The following CNTN6 variants were observed in gnomAD, a reference collection of about 807,000 sequenced individuals.
CNTN6 encodes contactin-6.
CNTN6 carries 137 observed loss-of-function variants against 122.8 expected under a neutral mutation model. That is an observed-to-expected ratio of 1.12 (90% CI 0.97 to 1.29). The LOEUF (loss-of-function observed/expected upper bound fraction) is 1.29. Ranked by LOEUF, CNTN6 falls within the 50% of genes most tolerant of loss-of-function variation. The pLI is 0.00. For synonymous variants in CNTN6, 570 were observed against 426.0 expected, an observed-to-expected ratio of 1.34 and a Z score of -4.16; for missense variants, 1,634 against 1,223.4, an observed-to-expected ratio of 1.34 and a Z score of -5.01.
chr3:1,243,204 G>A (rs528358849), intron 4 of CNTN6, among the ~76,000 whole-genome samples: 10 of 152,078 alleles, frequency 6.6e-5, no homozygotes, highest in East Asian at 1.9e-4. Flanking sequence ...CAGATGGGAC[G>A]CGGCTTACGA....
intron 2 of CNTN6, among the ~76,000 whole-genome samples, chr3:1,193,369 C>T (rs917261066): frequency 3.9e-5 from 6 of 152,112 alleles, no homozygotes; most frequent in Admixed American, 1.3e-4. Flanking sequence ...AGGCTCAGTT[C>T]CACCATTTGT....
chr3:1,103,045 G>A (rs925953935), intron 1 of CNTN6, among the ~76,000 whole-genome samples: 6 of 151,870 alleles, frequency 4.0e-5, no homozygotes, highest in Non-Finnish European at 7.4e-5. Context: ...GGCGGAGCTT[G>A]CAGTGAGCCA....
rs759512085 is a variant in CNTN6, at chr3:1,227,889, C to T, written c.254C>T (p.Ala85Val). The change falls in exon 4 of 23, where the codon GCA (alanine) becomes GTA (valine). Residue 85 changes from alanine to valine, a missense_variant. By Grantham distance (64) the Ala-to-Val change is moderately conservative. Coordinates refer to ENST00000446702, the MANE Select transcript of CNTN6 (RefSeq NM_001289080.2). ...YHYRLDGGSL[A>V]INSPHTDQDI... ...TACAGGTTGGATGGAGGCAGTCTTG[C>T]AATCAATAGCCCCCACACAGATCAA... The T allele has an allele frequency of 6.2e-7, 1 of 1,613,850 alleles. No individual in the cohort carries two copies. The highest frequency in any genetic ancestry group is 1.7e-5 in the Admixed American group (1 of 59,978).
chr3:1,246,809 A>G (rs918312705), intron 4 of CNTN6, among the ~76,000 whole-genome samples: 1 of 152,052 alleles, frequency 6.6e-6, no homozygotes, highest in Non-Finnish European at 1.5e-5. Flanking sequence ...ATTATTGGCT[A>G]TTTGGAAACC....
chr3:1,240,539 A>G (rs2094469486), intron 4 of CNTN6, among the ~76,000 whole-genome samples: 2 of 152,246 alleles, frequency 1.3e-5, no homozygotes, highest in African/African-American at 4.8e-5. Flanking sequence ...ATTGGCATGG[A>G]TGTGGTGAAA....
chr3:1,176,096 A>G (rs1392085211), intron 2 of CNTN6, among the ~76,000 whole-genome samples: 1 of 152,198 alleles, frequency 6.6e-6, no homozygotes, highest in Non-Finnish European at 1.5e-5. Flanking sequence ...TTTGTGGAAT[A>G]AAAAGAAGGA....
intron 1 of CNTN6, among the ~76,000 whole-genome samples, chr3:1,138,789 A>G (rs1228815323): frequency 6.7e-6 from 1 of 149,266 alleles, no homozygotes; most frequent in African/African-American, 2.6e-5. Context: ...AAAAACACTG[A>G]AAAAATCTGC....
At chr3:1,288,691 C>A (rs1249113813) in intron 5 of CNTN6, among the ~76,000 whole-genome samples, 2 of 152,178 alleles carry the variant, frequency 1.3e-5, no homozygotes, top group African/African-American at 4.8e-5. Flanking sequence ...TATCATGATG[C>A]TTCTCTTTCA....
intron 1 of CNTN6, among the ~76,000 whole-genome samples, chr3:1,108,403 T>C (rs1009913608): frequency 1.3e-5 from 2 of 152,062 alleles, no homozygotes; most frequent in Non-Finnish European, 2.9e-5. Flanking sequence ...TATGGTATTT[T>C]TAATAATTTT....
At chr3:1,304,847 A>T (rs1360137020) in intron 7 of CNTN6, among the ~76,000 whole-genome samples, 1 of 151,838 alleles carries the variant, frequency 6.6e-6, no homozygotes, top group East Asian at 1.9e-4. Context: ...ACAAAAAATT[A>T]GCCGGGTGCA....
At chr3:1,206,456 A>T (rs778032780) in intron 2 of CNTN6, among the ~76,000 whole-genome samples, 4 of 152,026 alleles carry the variant, frequency 2.6e-5, no homozygotes, top group Non-Finnish European at 4.4e-5. Context: ...CCTCCCTGTC[A>T]CCACCAGGGT....
intron 3 of CNTN6, among the ~76,000 whole-genome samples, chr3:1,225,476 A>G (rs1452942813): frequency 1.3e-5 from 2 of 152,200 alleles, no homozygotes; most frequent in South Asian, 2.1e-4. Flanking sequence ...TACTGAGCTT[A>G]ATTAGGAGCA....
rs185415907 is a variant in CNTN6 at position 1,183,807 on chromosome 3, A to G, written c.55+35744A>G. 7.9e-5 allele frequency among the ~76,000 whole-genome samples: 12 copies of G among 152,266 alleles called. 1 individual carries two copies. Among genetic ancestry groups the G allele is most frequent in the African/African-American group, 2.9e-4 (12 of 41,558 alleles). On this transcript the variant is annotated intron_variant, in intron 2 of 22. Transcript: ENST00000446702. ...TGAGTCAGTAGTCTGGGCACAGCTC[A>G]TCTGAGTTTTTGCTTCAAGTTCTCA...
At chr3:1,211,744 A>T (rs1183706775) in intron 2 of CNTN6, among the ~76,000 whole-genome samples, 1 of 152,076 alleles carries the variant, frequency 6.6e-6, no homozygotes, top group African/African-American at 2.4e-5. Flanking sequence ...TGGATATTAT[A>T]AAAGTTATGA....
chr3:1,275,527 C>T (rs1692180931), intron 4 of CNTN6, among the ~76,000 whole-genome samples: 1 of 152,156 alleles, frequency 6.6e-6, no homozygotes, highest in African/African-American at 2.4e-5. Context: ...AGACAACTGT[C>T]CACCAATTTG....
intron 12 of CNTN6, among the ~76,000 whole-genome samples, chr3:1,357,809 A>G (rs1706817414): frequency 6.6e-6 from 1 of 151,890 alleles, no homozygotes; most frequent in Admixed American, 6.6e-5. Context: ...TGAGTGCAAT[A>G]TTTATGTGCA....
chr3:1,323,772 AC>A (rs1305020599), intron 8 of CNTN6, among the ~76,000 whole-genome samples: 4 of 151,756 alleles, frequency 2.6e-5, no homozygotes, highest in Non-Finnish European at 5.9e-5. Context: ...TAAAACTCAA[AC>A]CTGTATGGTA....
chr3:1,158,919 CAT>C (rs1172931963), intron 2 of CNTN6, among the ~76,000 whole-genome samples: 2,646 of 115,966 alleles, frequency 0.023, 232 homozygotes, highest in African/African-American at 0.06. Context: ...TATACACACA[CAT>C]ATATATATAT....
At chr3:1,302,097 TAA>T (rs1469756216) in intron 7 of CNTN6, among the ~76,000 whole-genome samples, 1 of 152,108 alleles carries the variant, frequency 6.6e-6, no homozygotes, top group Non-Finnish European at 1.5e-5. Flanking sequence ...AATCTGAAAA[TAA>T]AAAGTCAAAC....
Sources: gnomAD v4.1 joint callset for allele counts (sites outside exome capture counted in the v4.1 genomes callset) on GRCh38, gnomAD v4.1.1 for gene constraint, MANE v1.5 for transcripts, NCBI Gene and HGNC (gene_info 2026-07-23, HGNC 2026-07-21) for gene names.